Variants in NEGR1 observed in about 807,000 individuals in gnomAD.
NEGR1 encodes the protein IgLON family member 4.
In NEGR1, 10 loss-of-function variants were observed where a neutral mutation model predicts 40.9. That is an observed-to-expected ratio of 0.24 (90% CI 0.15 to 0.42). The LOEUF is 0.42. NEGR1 is among the 10% of genes least tolerant of loss of function. NEGR1 has a pLI of 1.00. For missense variants in NEGR1, 352 were observed against 438.9 expected, an observed-to-expected ratio of 0.80 and a Z score of 1.77; for synonymous variants, 185 against 166.8, an observed-to-expected ratio of 1.11 and a Z score of -0.84.
At position 71,662,688 on chromosome 1, in the gene NEGR1, AAT is replaced by A. The variant is rs532316008; in HGVS notation, c.667+35318_667+35319del. The stretch of plus-strand genomic sequence containing the variant: ...TAACGTCAAAATATATACAATCAAG[AAT>A]ATATATATAATATTATAAAATAGAA... On this transcript the variant is annotated intron_variant, in intron 4 of 6. Transcript: ENST00000357731. Among the ~76,000 whole-genome samples, 15 of 151,248 alleles carry A rather than the reference AAT, an allele frequency of 9.9e-5. No individual in the cohort carries two copies. In the South Asian group the frequency reaches 2.9e-3, roughly 29 times the overall value.
intron 1 of NEGR1, among the ~76,000 whole-genome samples, chr1:72,227,906 C>T (rs1654244050): frequency 6.6e-6 from 1 of 152,086 alleles, no homozygotes; most frequent in Admixed American, 6.6e-5. Context: ...AGAACACTGC[C>T]TTCTTCTATT....
At chr1:71,562,168 G>A (rs1235358040) in intron 6 of NEGR1, among the ~76,000 whole-genome samples, 1 of 151,686 alleles carries the variant, frequency 6.6e-6, no homozygotes, top group Non-Finnish European at 1.5e-5. Context: ...TTAATAAATG[G>A]CAAAGATTAT....
At chr1:72,217,205 A>T (rs1040168827) in intron 1 of NEGR1, among the ~76,000 whole-genome samples, 4 of 151,836 alleles carry the variant, frequency 2.6e-5, no homozygotes, top group Non-Finnish European at 5.9e-5. Flanking sequence ...AAATTAATAC[A>T]GCCCTTTGTT....
chr1:72,143,917 AT>A (rs1650795548), intron 1 of NEGR1, among the ~76,000 whole-genome samples: 3 of 25,460 alleles, frequency 1.2e-4, no homozygotes, highest in Admixed American at 1.1e-3. Context: ...TATATATAAT[AT>A]ATATATATAT....
intron 6 of NEGR1, among the ~76,000 whole-genome samples, chr1:71,569,167 T>C (rs1010846028): frequency 1.1e-4 from 16 of 152,058 alleles, no homozygotes; most frequent in African/African-American, 3.4e-4. Context: ...CCTCCTGCCT[T>C]GGCCTCCCAA....
intron 6 of NEGR1, among the ~76,000 whole-genome samples, chr1:71,454,173 CAA>C (rs1646653255): frequency 6.6e-6 from 1 of 152,204 alleles, no homozygotes; most frequent in South Asian, 2.1e-4. Flanking sequence ...TCATTGGCAT[CAA>C]GTGACAATTT....
intron 2 of NEGR1, among the ~76,000 whole-genome samples, chr1:71,929,298 G>T (rs1386966880): frequency 6.6e-6 from 1 of 152,052 alleles, no homozygotes. Flanking sequence ...ATTCCTTAAA[G>T]ATAAAGATAT....
intron 4 of NEGR1, among the ~76,000 whole-genome samples, chr1:71,620,713 T>C (rs1247733638): frequency 6.6e-6 from 1 of 151,994 alleles, no homozygotes; most frequent in Non-Finnish European, 1.5e-5. Flanking sequence ...GACTTTCACA[T>C]TGAATTAAGC....
intron 2 of NEGR1, among the ~76,000 whole-genome samples, chr1:71,859,144 A>G (rs980234600): frequency 2.0e-5 from 3 of 152,146 alleles, no homozygotes; most frequent in South Asian, 4.1e-4. Context: ...AAGGCCCTGT[A>G]TGACTTCTTG....
chr1:71,746,759 T>TAC (rs970204144), intron 3 of NEGR1, among the ~76,000 whole-genome samples: 2 of 147,170 alleles, frequency 1.4e-5, no homozygotes, highest in Non-Finnish European at 3.0e-5. Context: ...CACACACGCG[T>TAC]ACACACACAC....
intron 6 of NEGR1, among the ~76,000 whole-genome samples, chr1:71,493,069 T>C (rs1279593747): frequency 6.6e-6 from 1 of 152,158 alleles, no homozygotes; most frequent in Non-Finnish European, 1.5e-5. Context: ...TCTAGCCATA[T>C]ACTAAGTTCT....
chr1:71,593,087 A>AT (rs1649562539), intron 5 of NEGR1, 119 bp from the exon 6 acceptor site: 1 of 607,262 alleles, frequency 1.6e-6, no homozygotes. Flanking sequence ...ACGTTAGCAT[A>AT]TAACGTGATA....
chr1:71,874,488 A>G (rs1455616851), intron 2 of NEGR1, among the ~76,000 whole-genome samples: 4 of 152,146 alleles, frequency 2.6e-5, no homozygotes, highest in Non-Finnish European at 4.4e-5. Flanking sequence ...TTCAACTGCA[A>G]ACTTCCACAG....
At chr1:71,474,659 C>A (rs1412561166) in intron 6 of NEGR1, among the ~76,000 whole-genome samples, 6 of 131,478 alleles carry the variant, frequency 4.6e-5, no homozygotes, top group Non-Finnish European at 9.4e-5. Flanking sequence ...TGCAGTGAGC[C>A]AAATTGTACC....
intron 2 of NEGR1, among the ~76,000 whole-genome samples, chr1:71,829,636 AAAAAC>A (rs200184811): frequency 1.7e-3 from 255 of 152,060 alleles, no homozygotes; most frequent in African/African-American, 5.3e-3. Context: ...AGGAAAAACA[AAAAAC>A]AAAACAAAAC....
chr1:71,781,784 G>C (rs888992167), intron 2 of NEGR1, among the ~76,000 whole-genome samples: 1 of 152,050 alleles, frequency 6.6e-6, no homozygotes, highest in African/African-American at 2.4e-5. Context: ...TTTAAAAGTT[G>C]TTATATATCT....
At chr1:72,260,860 G>A (rs958435900) in intron 1 of NEGR1, among the ~76,000 whole-genome samples, 22 of 152,028 alleles carry the variant, frequency 1.4e-4, no homozygotes, top group Non-Finnish European at 2.7e-4. Context: ...AAAAGTGAAC[G>A]AATTACAAAA....
At chr1:72,096,683 A>C (rs1423184239) in intron 1 of NEGR1, among the ~76,000 whole-genome samples, 1 of 136,812 alleles carries the variant, frequency 7.3e-6, no homozygotes, top group African/African-American at 2.7e-5. Flanking sequence ...TTTTTTTGAG[A>C]TGGAGTCTCA....
At chr1:71,711,341 C>CA (rs59376519) in intron 3 of NEGR1, among the ~76,000 whole-genome samples, 25,861 of 59,074 alleles carry the variant, frequency 0.44, 5,891 homozygotes, top group East Asian at 0.59. Flanking sequence ...GAGATTCCAC[C>CA]AAAAAAAAAA....
Sources: allele counts gnomAD v4.1 joint callset (sites outside exome capture counted in the v4.1 genomes callset), GRCh38; gene constraint gnomAD v4.1.1; transcripts MANE v1.5; gene names NCBI Gene and HGNC (gene_info 2026-07-23, HGNC 2026-07-21).